WDPCP: variants seen among roughly 807,000 people sequenced by gnomAD.
The protein encoded by WDPCP is WD repeat-containing and planar cell polarity effector protein fritz homolog.
WDPCP carries 71 observed loss-of-function variants against 93.1 expected under a neutral mutation model. That is an observed-to-expected ratio of 0.76 (90% confidence interval 0.63 to 0.93). The LOEUF (loss-of-function observed/expected upper bound fraction) is 0.93, where lower values mean the gene tolerates loss of function less well. WDPCP is among the 40% of genes least tolerant of loss of function. WDPCP has a pLI of 0.00. For synonymous variants in WDPCP, 315 were observed against 315.0 expected (o/e 1.00, Z 0.00); for missense variants, 844 against 887.4 (o/e 0.95, Z 0.62).
intron 1 of WDPCP, among the ~76,000 whole-genome samples, chr2:63,579,147 A>T (rs900725961): frequency 2.6e-5 from 4 of 152,182 alleles, no homozygotes; most frequent in Non-Finnish European, 5.9e-5. Context: ...CTCTAAACAT[A>T]AGTCTTCTCC....
chr2:63,374,327 T>C (rs1434506599), intron 12 of WDPCP, among the ~76,000 whole-genome samples: 1 of 152,170 alleles, frequency 6.6e-6, no homozygotes, highest in African/African-American at 2.4e-5. Context: ...ATCCTTATCA[T>C]TTCAGCCTGT....
At chr2:63,464,924 T>C (rs1699246690) in intron 6 of WDPCP, among the ~76,000 whole-genome samples, 1 of 151,710 alleles carries the variant, frequency 6.6e-6, no homozygotes, top group South Asian at 2.1e-4. Context: ...GGGTATAGAG[T>C]TTCTGTTTTG....
upstream of WDPCP, among the ~76,000 whole-genome samples, chr2:63,828,901 T>C (rs985698341): frequency 2.0e-5 from 3 of 152,228 alleles, no homozygotes; most frequent in East Asian, 5.8e-4. Context: ...TAAGATTGAC[T>C]ATCATTTTTT....
chr2:63,225,261 G>A (rs1184300292), intron 14 of WDPCP, among the ~76,000 whole-genome samples: 3 of 151,606 alleles, frequency 2.0e-5, no homozygotes, highest in Non-Finnish European at 2.9e-5. Context: ...GTCTTGAAAG[G>A]GCACCTCACA....
intron 12 of WDPCP, among the ~76,000 whole-genome samples, chr2:63,361,093 G>A (rs977971723): frequency 1.3e-5 from 2 of 152,220 alleles, no homozygotes; most frequent in African/African-American, 4.8e-5. Context: ...TAAGATGGAA[G>A]AAAGGAGAAG....
At chr2:63,334,827 AGAT>A (rs1688236551) in intron 12 of WDPCP, among the ~76,000 whole-genome samples, 1 of 51,856 alleles carries the variant, frequency 1.9e-5, no homozygotes, top group Non-Finnish European at 3.0e-5. Context: ...TAAATAGGAC[AGAT>A]ACAAAGATTT....
intron 12 of WDPCP, 139 bp downstream of exon 12, chr2:63,378,247 C>T: frequency 8.8e-7 from 1 of 1,132,012 alleles, no homozygotes; most frequent in Non-Finnish European, 1.3e-6. Context: ...TAAATAAGAC[C>T]AAAAGAAGAT....
chr2:63,287,191 C>A (rs1003029518), intron 13 of WDPCP, among the ~76,000 whole-genome samples: 2 of 152,170 alleles, frequency 1.3e-5, no homozygotes, highest in African/African-American at 4.8e-5. Flanking sequence ...TTAATTACCT[C>A]CTTCAAAGGT....
chr2:63,488,127 TC>T (rs1700674574), intron 2 of WDPCP, among the ~76,000 whole-genome samples: 1 of 152,228 alleles, frequency 6.6e-6, no homozygotes. Context: ...AAGGAATTAT[TC>T]CAGTTTAAAT....
rs563836310 is a variant in WDPCP, at chr2:63,587,160, T to A, written c.75+1037A>T. ...AGGTTTGAGAATAATGCACACCTAC[T>A]AATTCAGGACTAGACACATAAATTT... On this transcript the variant is annotated intron_variant, in intron 1 of 17. Transcript: ENST00000272321. Among the ~76,000 whole-genome samples, 30 of 152,366 alleles carry A rather than the reference T, an allele frequency of 2.0e-4. No individual in the cohort carries two copies. In the East Asian group the frequency reaches 4.2e-3, roughly 22 times the overall value.
At chr2:63,832,458 G>A (rs1407571458), upstream of WDPCP, among the ~76,000 whole-genome samples, 1 of 152,130 alleles carries the variant, frequency 6.6e-6, no homozygotes, top group African/African-American at 2.4e-5. Context: ...CTCCTAATGG[G>A]AGGAGTGACA....
chr2:63,304,039 G>A lies in WDPCP; in HGVS notation c.1812+9209C>T, dbSNP rs1325857128. On this transcript the variant is annotated intron_variant, in intron 13 of 17. Coordinates refer to ENST00000272321, the MANE Select transcript of WDPCP (RefSeq NM_015910.7). ...GGGAGCCCTTGTACACTGTTGGTGG[G>A]AATGTGAATTAGTACTACTTCTATA... Among the ~76,000 whole-genome samples the A allele has an allele frequency of 2.7e-5, 4 of 150,518 alleles. No individual in the cohort carries two copies. The South Asian group carries it at 6.3e-4, about 24-fold the overall frequency.
In WDPCP at chr2:63,120,823, C is replaced by T. The variant is rs983437595; in HGVS notation, c.*1183G>A. ...TGCTGGGATTACAGGCGTGAGCCACCGTGCCTGGCCTATAGATGTCTATAA... is the reference window on the plus strand; with the variant it reads ...TGCTGGGATTACAGGCGTGAGCCACTGTGCCTGGCCTATAGATGTCTATAA... On this transcript the variant is annotated 3_prime_UTR_variant, in exon 18 of 18. Coordinates refer to ENST00000272321, the MANE Select transcript of WDPCP (RefSeq NM_015910.7). Among the ~76,000 whole-genome samples the T allele has an allele frequency of 6.6e-5, 10 of 151,904 alleles. No individual in the cohort carries two copies. Among genetic ancestry groups the T allele is most frequent in the African/African-American group, 1.9e-4 (8 of 41,340 alleles).
intron 1 of WDPCP, among the ~76,000 whole-genome samples, chr2:63,511,302 A>G (rs956485098): frequency 5.3e-5 from 8 of 152,180 alleles, no homozygotes; most frequent in African/African-American, 1.9e-4. Context: ...AATCAATATC[A>G]TGAAAATGGC....
chr2:63,370,233 CCTAA>C (rs1272789348), intron 12 of WDPCP, among the ~76,000 whole-genome samples: 1 of 152,054 alleles, frequency 6.6e-6, no homozygotes, highest in Non-Finnish European at 1.5e-5. Flanking sequence ...CCTAAATGGC[CCTAA>C]CTGTGCCCAC....
chr2:63,722,560 G>C (rs1236755032), intron 2 of WDPCP, among the ~76,000 whole-genome samples: 1 of 94,382 alleles, frequency 1.1e-5, no homozygotes, highest in Non-Finnish European at 2.6e-5. Flanking sequence ...GAGGGAGGTG[G>C]GGGGGGGTCA....
At chr2:63,234,564 A>G (rs1429796810) in intron 14 of WDPCP, among the ~76,000 whole-genome samples, 4 of 152,236 alleles carry the variant, frequency 2.6e-5, no homozygotes, top group African/African-American at 9.6e-5. Flanking sequence ...ATGCCATTTT[A>G]AAGTACATAT....
At chr2:63,396,911 T>C (rs1450137851) in intron 10 of WDPCP, among the ~76,000 whole-genome samples, 2 of 152,164 alleles carry the variant, frequency 1.3e-5, no homozygotes, top group Non-Finnish European at 2.9e-5. Context: ...TAAGAACATG[T>C]GGTATTTGGT....
At chr2:63,622,879 G>A (rs1007455832) in intron 3 of WDPCP, 2 of 1,512,054 alleles carry the variant, frequency 1.3e-6, no homozygotes, top group Middle Eastern at 1.9e-4. Context: ...CAGGGGTGCG[G>A]AGCCTGGGAG....
Sources: allele counts gnomAD v4.1 joint callset (sites outside exome capture counted in the v4.1 genomes callset), GRCh38; gene constraint gnomAD v4.1.1; transcripts MANE v1.5; gene names NCBI Gene and HGNC (gene_info 2026-07-23, HGNC 2026-07-21).